Variants in COL4A1 observed in about 807,000 individuals in gnomAD.
COL4A1 encodes the protein collagen type IV alpha 1 chain.
Under a neutral mutation model 216.6 loss-of-function variants are expected in COL4A1, and 40 were observed. The ratio of observed to expected loss-of-function variants is 0.18; its 90% CI spans 0.14 to 0.24. The LOEUF is 0.24. Among genes scored for constraint, COL4A1 ranks in the 10% least tolerant of loss-of-function variants. The pLI is 1.00. For missense variants in COL4A1, 1,628 were observed against 2,196.8 expected, an observed-to-expected ratio of 0.74 and a Z score of 5.18; for synonymous variants, 839 against 810.7, an observed-to-expected ratio of 1.03 and a Z score of -0.59.
Position 110,220,677 on chromosome 13 carries a change from G to A in COL4A1, c.145-6662C>T, listed in dbSNP as rs1189737036. On this transcript the variant is annotated intron_variant, in intron 2 of 51. Transcript: ENST00000375820. ...GTTCCTCATTTCATGGGCCTCCACCGTCCTCCTTCTGACTATCATTAGCTT... is the reference window on the plus strand; with the variant it reads ...GTTCCTCATTTCATGGGCCTCCACCATCCTCCTTCTGACTATCATTAGCTT... 3.3e-5 allele frequency among the ~76,000 whole-genome samples: 5 copies of A among 150,096 alleles called. No homozygotes were observed. In the South Asian group the frequency reaches 1.1e-3, roughly 33 times the overall value.
At chr13:110,221,386 C>A (rs1429308900) in intron 2 of COL4A1, among the ~76,000 whole-genome samples, 1 of 152,096 alleles carries the variant, frequency 6.6e-6, no homozygotes, top group Non-Finnish European at 1.5e-5. Context: ...AACTATCATT[C>A]AACACAAGAA....
chr13:110,212,669 T>C, intron 4 of COL4A1, 51 bp from the exon 5 acceptor site: 1 of 1,602,478 alleles, frequency 6.2e-7, no homozygotes, highest in Non-Finnish European at 8.5e-7. Flanking sequence ...GAAGCCTCAC[T>C]TCCTCCTCCT....
intron 1 of COL4A1, among the ~76,000 whole-genome samples, chr13:110,243,242 A>G (rs1193916697): frequency 6.6e-6 from 1 of 152,230 alleles, no homozygotes. Flanking sequence ...CCCCAATCTT[A>G]AAGAACTCCT....
At chr13:110,181,744 G>T (rs641626) in intron 28 of COL4A1, among the ~76,000 whole-genome samples, 11 of 152,062 alleles carry the variant, frequency 7.2e-5, no homozygotes, top group Admixed American at 2.0e-4. Flanking sequence ...GGTGTGGTTG[G>T]GGGGGCAGGT....
chr13:110,204,294 T>C (rs1200580212), intron 17 of COL4A1, among the ~76,000 whole-genome samples: 1 of 152,172 alleles, frequency 6.6e-6, no homozygotes, highest in Non-Finnish European at 1.5e-5. Flanking sequence ...AAACAAGAAT[T>C]GAATGTTTTG....
At chr13:110,281,020 C>A (rs758791564) in intron 1 of COL4A1, among the ~76,000 whole-genome samples, 1 of 152,156 alleles carries the variant, frequency 6.6e-6, no homozygotes, top group Non-Finnish European at 1.5e-5. Flanking sequence ...AACCATGTGT[C>A]CCATTTTTTT....
At chr13:110,175,133 T>A (rs987873543) in intron 37 of COL4A1, 85 bp downstream of exon 37, 1 of 1,537,268 alleles carries the variant, frequency 6.5e-7, no homozygotes, top group African/African-American at 1.4e-5. Context: ...TCATTGAGTG[T>A]GCTGAGATAT....
rs926004804 is a variant in COL4A1, at chr13:110,149,849, G to C, written c.*514C>G. ...AGAAATTTATACTGGGGGGTTGGAA[G>C]ATATGGCTACTGAGTCTGTAATTCC... On this transcript the variant is annotated 3_prime_UTR_variant, in exon 52 of 52. Coordinates refer to ENST00000375820, the MANE Select transcript of COL4A1 (RefSeq NM_001845.6). 5.9e-6 allele frequency: 1 copy of C among 170,552 alleles called. No individual in the cohort carries two copies. Among genetic ancestry groups the C allele is most frequent in the African/African-American group, 2.4e-5 (1 of 41,680 alleles). 10.6% of individuals were successfully genotyped at this position (170,552 alleles called of 1,614,324 possible). A position where few individuals can be genotyped will look rare whatever the true frequency, so the allele number is the denominator to read the frequency against.
chr13:110,171,165 G>C (rs1018089091), intron 41 of COL4A1, among the ~76,000 whole-genome samples: 1 of 152,214 alleles, frequency 6.6e-6, no homozygotes, highest in Non-Finnish European at 1.5e-5. Flanking sequence ...AGCAACCACT[G>C]GGCTGGATCT....
In COL4A1 at chr13:110,307,107, A is replaced by C. The variant is rs1316919340; in HGVS notation, c.-80T>G. On this transcript the variant is annotated 5_prime_UTR_variant, in exon 1 of 52. Coordinates refer to ENST00000375820, the MANE Select transcript of COL4A1 (RefSeq NM_001845.6). The surrounding 1 kb of genome is among the most constrained non-coding windows in gnomAD (Gnocchi z 5.0). ...GGACAGCTAGCTCTCGGAAGGCCGG[A>C]CTTCCAGCGCTACGCACCGTCCCGG... 7.6e-6 allele frequency: 9 copies of C among 1,188,564 alleles called. No homozygotes were observed. The Admixed American group carries it at 1.7e-4, about 23-fold the overall frequency. The allele number at this position is 1,188,564 out of a possible 1,614,324, so 73.6% of individuals were successfully genotyped here.
intron 17 of COL4A1, among the ~76,000 whole-genome samples, chr13:110,204,208 C>T (rs1879383000): frequency 2.0e-5 from 3 of 152,148 alleles, no homozygotes; most frequent in Middle Eastern, 3.4e-3. Context: ...TAAACGTCAT[C>T]GTAATGATTT....
intron 1 of COL4A1, among the ~76,000 whole-genome samples, chr13:110,269,520 AT>A (rs1390759029): frequency 6.6e-6 from 1 of 152,170 alleles, no homozygotes; most frequent in African/African-American, 2.4e-5. Flanking sequence ...TGTATTTATG[AT>A]GATCAGTGTC....
rs182171048 is a variant in COL4A1 at position 110,265,373 on chromosome 13, G to A, written c.85-22639C>T. On this transcript the variant is annotated intron_variant, in intron 1 of 51. Transcript: ENST00000375820. ...CTAAATAAAGAAAAGTATTAAAGTA[G>A]TCAAAAACAAGTCTCACACAGTGTT... 6.6e-5 allele frequency: 10 copies of A among 152,368 alleles called. No homozygotes were observed. The East Asian group carries it at 1.5e-3, about 23-fold the overall frequency. The allele number at this position is 152,368 out of a possible 1,614,324, so 9.4% of individuals were successfully genotyped here.
At chr13:110,182,289 G>C (rs1878200556) in intron 28 of COL4A1, among the ~76,000 whole-genome samples, 1 of 152,228 alleles carries the variant, frequency 6.6e-6, no homozygotes, top group African/African-American at 2.4e-5. Context: ...AGCAGTGAGG[G>C]TGGATGGGGC....
intron 1 of COL4A1, among the ~76,000 whole-genome samples, chr13:110,247,107 T>C (rs977914890): frequency 2.0e-5 from 3 of 152,190 alleles, no homozygotes; most frequent in African/African-American, 7.2e-5. Flanking sequence ...TTTATACTCC[T>C]AAAACTGTAG....
intron 1 of COL4A1, among the ~76,000 whole-genome samples, chr13:110,285,773 C>G (rs150761316): frequency 5.9e-4 from 90 of 152,262 alleles, no homozygotes; most frequent in African/African-American, 2.1e-3. Context: ...CAGGCCATAC[C>G]ATCGCTTTCC....
chr13:110,224,024 T>C (rs1010260672), intron 2 of COL4A1, among the ~76,000 whole-genome samples: 1 of 152,116 alleles, frequency 6.6e-6, no homozygotes. Context: ...AAAAAATATA[T>C]ATGGAATACT....
chr13:110,272,514 G>T (rs1311780198), intron 1 of COL4A1, among the ~76,000 whole-genome samples: 1 of 152,074 alleles, frequency 6.6e-6, no homozygotes, highest in African/African-American at 2.4e-5. Flanking sequence ...GTGGCAGGTG[G>T]CCCATGCTTG....
Position 110,183,002 on chromosome 13 carries a change from C to CG in COL4A1, c.2085dup (p.Gly696ArgfsTer6), listed in dbSNP as rs606231464. 1.2e-6 allele frequency: 2 copies of CG among 1,612,368 alleles called. No individual in the cohort carries two copies. ...CGTCTGGCAGGGTTACCTTTGGGGC[C>CG]GGGGGGCCCTGGAAATCCAATGCCT... On this transcript the variant is annotated frameshift_variant, in exon 28 of 52. Coordinates refer to ENST00000375820, the MANE Select transcript of COL4A1 (RefSeq NM_001845.6). LOFTEE classifies it high-confidence loss of function.
Sources: gnomAD v4.1 joint callset for allele counts (sites outside exome capture counted in the v4.1 genomes callset) on GRCh38, gnomAD v4.1.1 for gene constraint, Gnocchi (gnomAD v3.1) non-coding constraint, MANE v1.5 for transcripts, NCBI Gene and HGNC (gene_info 2026-07-23, HGNC 2026-07-21) for gene names.